ARHGAP17: variants seen among roughly 807,000 people sequenced by gnomAD.
The protein encoded by ARHGAP17 is Rho GTPase activating protein 17.
A neutral mutation model predicts 99.5 loss-of-function variants in ARHGAP17; 57 were observed. The observed-to-expected ratio is 0.57, with a 90% CI of 0.46 to 0.71. ARHGAP17 has a LOEUF of 0.71. Among genes scored for constraint, ARHGAP17 ranks in the 30% least tolerant of loss-of-function variants. The pLI, the probability that ARHGAP17 is intolerant of heterozygous loss-of-function variation, is 0.00. For synonymous variants in ARHGAP17, 417 were observed against 429.6 expected, an observed-to-expected ratio of 0.97 and a Z score of 0.36; for missense variants, 1,000 against 1,122.4, an observed-to-expected ratio of 0.89 and a Z score of 1.56.
chr16:24,934,411 C>T (rs112905702), intron 18 of ARHGAP17, among the ~76,000 whole-genome samples: 1 of 152,148 alleles, frequency 6.6e-6, no homozygotes, highest in African/African-American at 2.4e-5. Flanking sequence ...CCACCCCGGC[C>T]TCCCAAAGTG....
chr16:24,982,730 C>G (rs1417277510), intron 1 of ARHGAP17, among the ~76,000 whole-genome samples: 2 of 151,680 alleles, frequency 1.3e-5, no homozygotes. Context: ...TATGGAAAGT[C>G]CAGCAATTAT....
intron 1 of ARHGAP17, among the ~76,000 whole-genome samples, chr16:24,991,676 CCACCA>C (rs2053047451): frequency 6.6e-6 from 1 of 152,142 alleles, no homozygotes; most frequent in South Asian, 2.1e-4. Context: ...GCTGGGCTTC[CCACCA>C]CTGCTAAGGA....
At chr16:25,013,377 C>T (rs1309809958) in intron 1 of ARHGAP17, among the ~76,000 whole-genome samples, 7 of 152,182 alleles carry the variant, frequency 4.6e-5, no homozygotes, top group Non-Finnish European at 1.0e-4. Context: ...AGTCCCAGAA[C>T]TTTGGGAGGC....
At chr16:24,921,529 A>C (rs956111625) in intron 19 of ARHGAP17, among the ~76,000 whole-genome samples, 1 of 152,144 alleles carries the variant, frequency 6.6e-6, no homozygotes, top group African/African-American at 2.4e-5. Flanking sequence ...GCTCCCGTCT[A>C]CGCAGGCACA....
Position 24,935,577 on chromosome 16 carries a change from T to C in ARHGAP17, c.1787A>G (p.Gln596Arg). ...AVPAPGRNNS[Q>R]IASGQNQPQA... ...GGGCTGATTTTGGCCAGATGCTATC[T>C]GACTGTTGTTTCTCCCTGGTGCTGG... The change falls in exon 18 of 20, where the codon CAG becomes CGG. Residue 596 changes from glutamine to arginine, a missense_variant. By Grantham distance (43) the Gln-to-Arg change is conservative. Coordinates refer to ENST00000289968, the MANE Select transcript of ARHGAP17 (RefSeq NM_001006634.3). The C allele has an allele frequency of 6.2e-7, 1 of 1,614,190 alleles. No individual in the cohort carries two copies. The highest frequency in any genetic ancestry group is 8.5e-7 in the Non-Finnish European group (1 of 1,180,046).
chr16:25,008,241 G>A (rs1358903248), intron 1 of ARHGAP17, among the ~76,000 whole-genome samples: 2 of 152,132 alleles, frequency 1.3e-5, no homozygotes, highest in Non-Finnish European at 2.9e-5. Flanking sequence ...GACCTGAACT[G>A]ATATTAAACT....
chr16:24,995,162 G>T lies in ARHGAP17; in HGVS notation c.54-16157C>A, dbSNP rs4787663. On this transcript the variant is annotated intron_variant, in intron 1 of 19. Transcript: ENST00000289968. ...GCCCGATAATTAAATTACCTCCCATGGGATCCCTTCCACGACACGTGGGGA... is the reference window on the plus strand; with the variant it reads ...GCCCGATAATTAAATTACCTCCCATTGGATCCCTTCCACGACACGTGGGGA... Among the ~76,000 whole-genome samples the T allele has an allele frequency of 2.0e-5, 3 of 152,096 alleles. No homozygotes were observed. The East Asian group carries it at 5.8e-4, about 29-fold the overall frequency.
chr16:24,982,404 A>G (rs532152017), intron 1 of ARHGAP17, among the ~76,000 whole-genome samples: 1 of 152,202 alleles, frequency 6.6e-6, no homozygotes, highest in East Asian at 1.9e-4. Flanking sequence ...ACTCTGTCTC[A>G]AAAAAACAAA....
intron 3 of ARHGAP17, among the ~76,000 whole-genome samples, chr16:24,970,855 G>A (rs2052340675): frequency 6.6e-6 from 1 of 152,090 alleles, no homozygotes; most frequent in South Asian, 2.1e-4. Flanking sequence ...TATTGCTGTT[G>A]TTGTTGTTCT....
At chr16:24,926,723 T>G (rs2050852280) in intron 19 of ARHGAP17, among the ~76,000 whole-genome samples, 1 of 152,218 alleles carries the variant, frequency 6.6e-6, no homozygotes, top group African/African-American at 2.4e-5. Flanking sequence ...TCACAGACAG[T>G]CTCAGGCTCA....
chr16:24,960,820 GAA>G (rs917056333), intron 7 of ARHGAP17, among the ~76,000 whole-genome samples: 3 of 126,660 alleles, frequency 2.4e-5, no homozygotes. Flanking sequence ...CGTCTCCAAA[GAA>G]AAAAAAAAAG....
At chr16:25,010,550 C>A (rs935158860) in intron 1 of ARHGAP17, among the ~76,000 whole-genome samples, 1 of 152,130 alleles carries the variant, frequency 6.6e-6, no homozygotes, top group Non-Finnish European at 1.5e-5. Context: ...TTCAACAAAT[C>A]CAAAGAACTG....
chr16:24,935,466 TTACCTCGGCGCAGTG>T lies in ARHGAP17; in HGVS notation c.1883_1894+3del. 6.3e-7 allele frequency: 1 copy of T among 1,585,278 alleles called. No homozygotes were observed. The highest frequency in any genetic ancestry group is 8.6e-7 in the Non-Finnish European group (1 of 1,165,026). On this transcript the variant is annotated splice_donor_variant and splice_donor_region_variant and coding_sequence_variant and intron_variant, in exon 18 of 20. Transcript: ENST00000289968. LOFTEE classifies it high-confidence loss of function. ...TGAGGGCAAGGAGGACGGTGGCTGC[TTACCTCGGCGCAGTG>T]TATGCGGGCTGGGCCCTGCAGCATT...
rs1017249630 is a variant in ARHGAP17, at chr16:24,952,442, C to A, written c.965-72G>T. The A allele has an allele frequency of 1.8e-5, 22 of 1,237,644 alleles. No homozygotes were observed. In the African/African-American group the frequency reaches 3.2e-4, roughly 18 times the overall value. The allele number at this position is 1,237,644 out of a possible 1,614,324, so 76.7% of individuals were successfully genotyped here. ...AGGAATCTTGGGACATATTATTTTG[C>A]AAATTGAAATGATCTCAATAACGAT... On this transcript the variant is annotated intron_variant, in intron 11 of 19. Transcript: ENST00000289968.
intron 1 of ARHGAP17, among the ~76,000 whole-genome samples, chr16:24,997,825 T>C (rs1309737427): frequency 6.6e-6 from 1 of 152,110 alleles, no homozygotes; most frequent in Non-Finnish European, 1.5e-5. Flanking sequence ...TGAGGTCAGC[T>C]CTGGAAATGC....
At chr16:24,961,557 T>C (rs1175959934) in intron 7 of ARHGAP17, among the ~76,000 whole-genome samples, 1 of 143,236 alleles carries the variant, frequency 7.0e-6, no homozygotes, top group Admixed American at 6.9e-5. Context: ...GATGGAGTCT[T>C]GCTTGCTCTG....
chr16:25,004,084 T>C (rs1331584714), intron 1 of ARHGAP17, among the ~76,000 whole-genome samples: 2 of 152,188 alleles, frequency 1.3e-5, no homozygotes, highest in African/African-American at 2.4e-5. Context: ...AGGTTTCCCC[T>C]AGGACTATCT....
chr16:24,930,725 A>G, intron 19 of ARHGAP17, 59 bp downstream of exon 19: 6 of 1,613,968 alleles, frequency 3.7e-6, no homozygotes, highest in Middle Eastern at 3.3e-4. Flanking sequence ...AATAAAATGT[A>G]GTAGTACAAA....
intron 1 of ARHGAP17, among the ~76,000 whole-genome samples, chr16:24,986,642 G>C (rs1481972754): frequency 1.3e-5 from 2 of 152,206 alleles, no homozygotes; most frequent in African/African-American, 2.4e-5. Flanking sequence ...TGTTGCGAAA[G>C]ACATCACCGT....
Sources: allele counts gnomAD v4.1 joint callset (sites outside exome capture counted in the v4.1 genomes callset), GRCh38; gene constraint gnomAD v4.1.1; transcripts MANE v1.5; gene names NCBI Gene and HGNC (gene_info 2026-07-23, HGNC 2026-07-21).